Variants in PATJ observed in about 807,000 individuals in gnomAD.
PATJ encodes the protein inaD-like protein.
Under a neutral mutation model 224.9 loss-of-function variants are expected in PATJ, and 190 were observed. The observed-to-expected ratio is 0.84, with a 90% CI of 0.75 to 0.95. The LOEUF is 0.95. PATJ is among the 40% of genes least tolerant of loss of function. The pLI, the probability that PATJ is intolerant of heterozygous loss-of-function variation, is 0.00. For missense variants in PATJ, 2,121 were observed against 2,270.3 expected (o/e 0.93, Z 1.34); for synonymous variants, 769 against 820.3 (o/e 0.94, Z 1.07).
In PATJ at chr1:62,128,370, C is replaced by T; in HGVS notation, c.5166+276C>T. 1.2e-5 allele frequency: 4 copies of T among 340,250 alleles called. No individual in the cohort carries two copies. The South Asian group carries it at 1.7e-4, about 14-fold the overall frequency. The allele number at this position is 340,250 out of a possible 1,614,324, so 21.1% of individuals were successfully genotyped here. The stretch of plus-strand genomic sequence containing the variant: ...ACCCTTTTAAGCACCTCATTCCACC[C>T]AAAATCAGCTCTCAACTGAGAGACA... On this transcript the variant is annotated intron_variant, in intron 40 of 43. Transcript: ENST00000642238.
rs758818141 is a variant in PATJ, at chr1:61,875,367, G to A, written c.2959+1G>A. The A allele has an allele frequency of 1.3e-6, 2 of 1,597,262 alleles. No homozygotes were observed. Among genetic ancestry groups the A allele is most frequent in the South Asian group, 2.3e-5 (2 of 87,406 alleles). On this transcript the variant is annotated splice_donor_variant, in intron 21 of 43. Transcript: ENST00000642238. LOFTEE classifies it high-confidence loss of function. ...TTAGCAAAAACTAGTCTGGATTTAG[G>A]TTTGTGACTTTTGTTTCTCATAAAC...
intron 28 of PATJ, among the ~76,000 whole-genome samples, chr1:62,001,581 C>T (rs1390542190): frequency 6.6e-6 from 1 of 151,264 alleles, no homozygotes; most frequent in Non-Finnish European, 1.5e-5. Flanking sequence ...CATGCTGTTA[C>T]TGTAGCCTTG....
At chr1:62,020,047 G>A (rs1261807291) in intron 29 of PATJ, among the ~76,000 whole-genome samples, 2 of 152,002 alleles carry the variant, frequency 1.3e-5, no homozygotes, top group Admixed American at 6.5e-5. Context: ...CATGTGCCCT[G>A]TAGTCCCAGC....
At chr1:61,778,791 C>T (rs1647078615) in intron 7 of PATJ, among the ~76,000 whole-genome samples, 1 of 152,114 alleles carries the variant, frequency 6.6e-6, no homozygotes, top group East Asian at 1.9e-4. Flanking sequence ...ACCTCTGCCT[C>T]CCAGGTTCAA....
chr1:61,782,954 G>T (rs1329610084), intron 7 of PATJ, among the ~76,000 whole-genome samples: 1 of 152,144 alleles, frequency 6.6e-6, no homozygotes, highest in African/African-American at 2.4e-5. Flanking sequence ...CCTATTTAAA[G>T]GTTGTCATAA....
intron 1 of PATJ, among the ~76,000 whole-genome samples, chr1:61,757,619 CA>C: frequency 6.6e-6 from 1 of 152,264 alleles, no homozygotes; most frequent in South Asian, 2.1e-4. Flanking sequence ...CTCCTGGGCT[CA>C]AGCAACCCAC....
intron 28 of PATJ, among the ~76,000 whole-genome samples, chr1:62,004,306 A>C (rs1440676417): frequency 6.6e-6 from 1 of 152,214 alleles, no homozygotes; most frequent in Non-Finnish European, 1.5e-5. Flanking sequence ...AATGGTAATG[A>C]AAATTCCTGT....
intron 28 of PATJ, among the ~76,000 whole-genome samples, chr1:61,996,952 G>T (rs1034652098): frequency 6.6e-6 from 1 of 151,832 alleles, no homozygotes; most frequent in African/African-American, 2.4e-5. Context: ...ATGTTGGCCA[G>T]GCTAGTCTCG....
At chr1:62,002,175 G>T (rs918555863) in intron 28 of PATJ, among the ~76,000 whole-genome samples, 1 of 152,092 alleles carries the variant, frequency 6.6e-6, no homozygotes, top group African/African-American at 2.4e-5. Flanking sequence ...GGATCAGGAG[G>T]CTTGAGCTTG....
intron 28 of PATJ, among the ~76,000 whole-genome samples, chr1:62,000,250 A>G (rs1645675075): frequency 6.8e-6 from 1 of 146,418 alleles, no homozygotes; most frequent in African/African-American, 2.5e-5. Flanking sequence ...CACAATGTGC[A>G]GGTTAGTTAC....
intron 27 of PATJ, among the ~76,000 whole-genome samples, chr1:61,938,995 C>T (rs544201921): frequency 4.0e-5 from 6 of 151,122 alleles, no homozygotes; most frequent in East Asian, 1.9e-4. Context: ...TGGTGGCGGG[C>T]GCTTGTAGTC....
At chr1:62,052,463 C>T (rs867687220) in intron 31 of PATJ, among the ~76,000 whole-genome samples, 4 of 151,038 alleles carry the variant, frequency 2.6e-5, no homozygotes, top group East Asian at 1.9e-4. Flanking sequence ...AAAAAATGAC[C>T]GGGCACAGTG....
At chr1:61,911,935 GT>G (rs946819750) in intron 25 of PATJ, among the ~76,000 whole-genome samples, 6 of 148,910 alleles carry the variant, frequency 4.0e-5, no homozygotes, top group African/African-American at 1.2e-4. Flanking sequence ...CATTACTGCT[GT>G]TTTTTTACAT....
chr1:61,764,149 C>T (rs1328428169), intron 3 of PATJ, among the ~76,000 whole-genome samples: 2 of 152,014 alleles, frequency 1.3e-5, no homozygotes, highest in Admixed American at 1.3e-4. Flanking sequence ...TGAGCCACCT[C>T]GCCCGGCCGA....
chr1:62,117,416 C>A, intron 37 of PATJ, 198 bp downstream of exon 37: 1 of 1,399,396 alleles, frequency 7.1e-7, no homozygotes, highest in Non-Finnish European at 9.2e-7. Context: ...TTTTTCTCTC[C>A]TTTATTGCTT....
chr1:61,868,444 G>A (rs953937937), intron 20 of PATJ, among the ~76,000 whole-genome samples: 1 of 152,146 alleles, frequency 6.6e-6, no homozygotes, highest in Non-Finnish European at 1.5e-5. Flanking sequence ...TTAGTGTAAT[G>A]TCTTTAAGAT....
At chr1:61,895,650 G>A (rs1436025931) in intron 22 of PATJ, among the ~76,000 whole-genome samples, 1 of 109,866 alleles carries the variant, frequency 9.1e-6, no homozygotes, top group Non-Finnish European at 2.1e-5. Flanking sequence ...TGGATGTCCA[G>A]GCAGAAGTCA....
rs1194729570 is a variant in PATJ at position 61,769,380 on chromosome 1, A to AT, written c.483dup (p.Ile162TyrfsTer22). On this transcript the variant is annotated frameshift_variant, in exon 5 of 44. Transcript: ENST00000642238. LOFTEE classifies it high-confidence loss of function. ...AGAAGTCAAAATCTCGGAAAAGTTG[A>AT]TATCTTCGTGAAGGATGTCCAGCCA... 2 of 1,613,962 alleles carry AT rather than the reference A, an allele frequency of 1.2e-6. No individual in the cohort carries two copies. The highest frequency in any genetic ancestry group is 2.2e-5 in the East Asian group (1 of 44,882).
At chr1:62,019,765 A>G (rs1214753224) in intron 29 of PATJ, among the ~76,000 whole-genome samples, 1 of 152,012 alleles carries the variant, frequency 6.6e-6, no homozygotes, top group East Asian at 1.9e-4. Flanking sequence ...TTGATTAAAA[A>G]AAAAAACTTG....
Sources: gnomAD v4.1 joint callset for allele counts (sites outside exome capture counted in the v4.1 genomes callset) on GRCh38, gnomAD v4.1.1 for gene constraint, MANE v1.5 for transcripts, NCBI Gene and HGNC (gene_info 2026-07-23, HGNC 2026-07-21) for gene names.